The following SLX4 variants were observed in gnomAD, a reference collection of about 807,000 sequenced individuals.
The protein encoded by SLX4 is SLX4 structure-specific endonuclease subunit.
SLX4 carries 112 observed loss-of-function variants against 146.2 expected under a neutral mutation model. The observed-to-expected ratio is 0.77, with a 90% CI of 0.66 to 0.90. SLX4 has a LOEUF of 0.90. Ranked by LOEUF, SLX4 falls within the 40% of genes least tolerant of loss-of-function variation. SLX4 has a pLI of 0.00. For missense variants in SLX4, 2,563 were observed against 2,392.7 expected (o/e 1.07, Z -1.49); for synonymous variants, 1,061 against 997.7 (o/e 1.06, Z -1.20).
In SLX4 at chr16:3,590,007, C is replaced by T. The variant is rs202032197; in HGVS notation, c.3631G>A (p.Glu1211Lys). Residue 1211 changes from glutamate (E) to lysine (K), a missense_variant, in exon 12 of 15, where the codon GAA becomes AAA. Coordinates refer to ENST00000294008, the MANE Select transcript of SLX4 (RefSeq NM_032444.4). This position sits in a 1 kb window ranked among gnomAD's most constrained non-coding sequence, Gnocchi z 4.8. The stretch of plus-strand genomic sequence containing the variant: ...TCATCCTCCTGCTGCAGCACAGCTT[C>T]GCTTCTTGGTGGGCTCTGGGAAGGT... Reference protein sequence around the residue: ...QEPSQSPPRSEAVLQQEDEGA... With the variant: ...QEPSQSPPRSKAVLQQEDEGA... 42 of 1,614,100 alleles carry T rather than the reference C, an allele frequency of 2.6e-5. No homozygotes were observed. The highest frequency in any genetic ancestry group is 3.3e-5 in the Non-Finnish European group (39 of 1,180,036).
chr16:3,591,174 T>C lies in SLX4; in HGVS notation c.2464A>G (p.Met822Val), dbSNP rs779985555. ...AENFQELLRSMWADEEEEAET... is the reference protein window; with the variant it reads ...AENFQELLRSVWADEEEEAET... ...GCTTCCTCCTCTTCATCTGCCCACA[T>C]TGACCTCAAGAGTTCCTGGAAATTC... The change falls in exon 12 of 15, where the codon ATG becomes GTG. Residue 822 changes from methionine (M) to valine (V), a missense_variant. Met to Val is a conservative substitution (Grantham distance 21). Transcript: ENST00000294008. The C allele has an allele frequency of 3.1e-6, 5 of 1,614,214 alleles. No homozygotes were observed. Among genetic ancestry groups the C allele is most frequent in the Admixed American group, 3.3e-5 (2 of 60,030 alleles).
chr16:3,585,188 G>A (rs2040493712), intron 12 of SLX4, among the ~76,000 whole-genome samples: 1 of 152,160 alleles, frequency 6.6e-6, no homozygotes, highest in Non-Finnish European at 1.5e-5. Context: ...CTGACCCACA[G>A]TGACAACTTG....
rs757727147 is a variant in SLX4, at chr16:3,582,418, G to C, written c.5429C>G (p.Thr1810Ser). 6.2e-7 allele frequency: 1 copy of C among 1,613,792 alleles called. No individual in the cohort carries two copies. Among genetic ancestry groups the C allele is most frequent in the African/African-American group, 1.3e-5 (1 of 74,958 alleles). The change falls in exon 15 of 15, where the codon ACT becomes AGT. Residue 1810 changes from threonine to serine, a missense_variant. Coordinates refer to ENST00000294008, the MANE Select transcript of SLX4 (RefSeq NM_032444.4). ...FLDTHCITFT[T>S]AATRREKLQG... ...GAGCTTCTCCCTGCGGGTGGCGGCA[G>C]TGGTGAAGGTGATACAGTGGGTGTC...
In SLX4 at chr16:3,608,437, T is replaced by G. The variant is rs778569160; in HGVS notation, c.528A>C (p.Lys176Asn). ...QEPSPNLSREKTRENVPNSDS... is the reference protein window; with the variant it reads ...QEPSPNLSRENTRENVPNSDS... Reference sequence around the variant, plus strand: ...TAAAAGAGTACAAATTACCTCTGGTTTTCTCTCTGGAAAGGTTTGGCGATG... The same window carrying G: ...TAAAAGAGTACAAATTACCTCTGGTGTTCTCTCTGGAAAGGTTTGGCGATG... Residue 176 changes from lysine (K) to asparagine (N), a missense_variant, in exon 2 of 15, where the codon AAA (lysine) becomes AAC (asparagine). Coordinates refer to ENST00000294008, the MANE Select transcript of SLX4 (RefSeq NM_032444.4). The G allele has an allele frequency of 6.2e-7, 1 of 1,614,202 alleles. No homozygotes were observed. The highest frequency in any genetic ancestry group is 1.3e-5 in the African/African-American group (1 of 75,040).
chr16:3,589,809 T>A lies in SLX4; in HGVS notation c.3829A>T (p.Ser1277Cys). Reference protein sequence around the residue: ...RDCSSQTQISSLRSGLAVQAV... With the variant: ...RDCSSQTQISCLRSGLAVQAV... ...TGCACGGCCAGCCCGCTCCTGAGGCTGCTGATTTGGGTCTGGGAAGAACAG... is the reference window on the plus strand; with the variant it reads ...TGCACGGCCAGCCCGCTCCTGAGGCAGCTGATTTGGGTCTGGGAAGAACAG... The change falls in exon 12 of 15, where the codon AGC (serine) becomes TGC (cysteine). Residue 1277 changes from serine to cysteine, a missense_variant. Ser to Cys is a moderately radical substitution (Grantham distance 112, BLOSUM62 -1). Transcript: ENST00000294008. This position sits in a 1 kb window ranked among gnomAD's most constrained non-coding sequence, Gnocchi z 6.2. The A allele has an allele frequency of 6.2e-7, 1 of 1,613,498 alleles. No homozygotes were observed. Among genetic ancestry groups the A allele is most frequent in the Non-Finnish European group, 8.5e-7 (1 of 1,180,024 alleles).
chr16:3,598,990 C>G (rs1207893004), intron 5 of SLX4, among the ~76,000 whole-genome samples: 1 of 152,210 alleles, frequency 6.6e-6, no homozygotes, highest in Non-Finnish European at 1.5e-5. Flanking sequence ...ATGAGGGCAT[C>G]CAGCTCCTGT....
At position 3,582,197 on chromosome 16, in the gene SLX4, T is replaced by A. The variant is rs560416810; in HGVS notation, c.*145A>T. ...GAAGCCCTGGATTGGGCTGTGGTCA[T>A]CATCACAGCGCAGAGCTGATGTGGT... On this transcript the variant is annotated 3_prime_UTR_variant, in exon 15 of 15. Transcript: ENST00000294008. 3.0e-6 allele frequency: 2 copies of A among 674,826 alleles called. No individual in the cohort carries two copies. Among genetic ancestry groups the A allele is most frequent in the South Asian group, 3.7e-5 (2 of 54,670 alleles). The allele number at this position is 674,826 out of a possible 1,614,324, so 41.8% of individuals were successfully genotyped here.
At chr16:3,598,152 T>C (rs2040687583) in intron 5 of SLX4, among the ~76,000 whole-genome samples, 153 bp from the exon 6 acceptor site, 1 of 152,182 alleles carries the variant, frequency 6.6e-6, no homozygotes, top group East Asian at 1.9e-4. Context: ...CTGCCTTGTG[T>C]GAACTCATTC....
Position 3,582,109 on chromosome 16 carries a change from AGTCT to A in SLX4, c.*229_*232del. ...GAGCACGGACAGAGGAAGGGGCTGG[AGTCT>A]GTAAATCCAGTGGGTGACATGCTCC... is the stretch of plus-strand genomic sequence containing the variant. On this transcript the variant is annotated 3_prime_UTR_variant, in exon 15 of 15. Coordinates refer to ENST00000294008, the MANE Select transcript of SLX4 (RefSeq NM_032444.4). The A allele has an allele frequency of 1.7e-6, 1 of 593,538 alleles. No homozygotes were observed. The highest frequency in any genetic ancestry group is 1.9e-5 in the African/African-American group (1 of 53,884). 36.8% of individuals were successfully genotyped at this position (593,538 alleles called of 1,614,324 possible).
chr16:3,602,719 G>A (rs1170228169), intron 3 of SLX4, among the ~76,000 whole-genome samples: 1 of 152,132 alleles, frequency 6.6e-6, no homozygotes, highest in Non-Finnish European at 1.5e-5. Context: ...AGTTCACAAG[G>A]CTCATATTCC....
intron 9 of SLX4, among the ~76,000 whole-genome samples, chr16:3,595,381 G>C (rs1178912506): frequency 1.3e-5 from 2 of 152,234 alleles, no homozygotes; most frequent in East Asian, 3.8e-4. Context: ...AGACAGAAAA[G>C]GCAGAAGTCT....
In SLX4 at chr16:3,597,601, C is replaced by T. The variant is rs982087433; in HGVS notation, c.1461G>A (p.Val487=). 6.2e-7 allele frequency: 1 copy of T among 1,614,116 alleles called. No homozygotes were observed. The highest frequency in any genetic ancestry group is 8.5e-7 in the Non-Finnish European group (1 of 1,180,020). ...CCACTTCCTCAGAGAGGAGCAGGGC[C>T]ACACGGTCCTCTATCTGTCGGCCTG... ...ETTGRQIEDR[V]ALLLSEEVEL... Residue 487 remains valine, a synonymous_variant, in exon 7 of 15, where the codon GTG becomes GTA. Transcript: ENST00000294008. This position sits in a 1 kb window ranked among gnomAD's most constrained non-coding sequence, Gnocchi z 4.4.
At position 3,581,338 on chromosome 16, in the gene SLX4, T is replaced by C. The variant is rs75773027; in HGVS notation, c.*1004A>G. On this transcript the variant is annotated 3_prime_UTR_variant, in exon 15 of 15. Transcript: ENST00000294008. ...CTGCTCCTGAGGCTGGAGGCAGCTT[T>C]AACCCAAAGAATGGAATCCGCTAGT... is the stretch of plus-strand genomic sequence containing the variant. The C allele has an allele frequency of 0.05, 7,644 of 152,862 alleles. 248 individuals carry two copies. The highest frequency in any genetic ancestry group is 0.068 in the Admixed American group (1,043 of 15,312). 9.5% of individuals were successfully genotyped at this position (152,862 alleles called of 1,614,324 possible).
rs1420317870 is a variant in SLX4 at position 3,589,840 on chromosome 16, G to A, written c.3798C>T (p.Ser1266=). Residue 1266 remains serine (S), a synonymous_variant, in exon 12 of 15, where the codon AGC becomes AGT. Transcript: ENST00000294008. This position sits in a 1 kb window ranked among gnomAD's most constrained non-coding sequence, Gnocchi z 6.2. ...TTTGGGTCTGGGAAGAACAGTCACG[G>A]CTTCTGCTGGCCAGCGGGGTGGCGG... The part of the protein sequence containing the change: ...LVPATPLASR[S]RDCSSQTQIS... 1.9e-6 allele frequency: 3 copies of A among 1,613,346 alleles called. No homozygotes were observed. Among genetic ancestry groups the A allele is most frequent in the African/African-American group, 2.7e-5 (2 of 74,934 alleles).
intron 3 of SLX4, among the ~76,000 whole-genome samples, chr16:3,603,837 C>T (rs2040754816): frequency 6.6e-6 from 1 of 152,188 alleles, no homozygotes; most frequent in South Asian, 2.1e-4. Flanking sequence ...CAGAGTGGGG[C>T]AACCCAATGG....
At position 3,595,605 on chromosome 16, in the gene SLX4, C is replaced by T. The variant is rs1567172859; in HGVS notation, c.2013G>A (p.Leu671=). The T allele has an allele frequency of 1.2e-6, 2 of 1,613,820 alleles. No individual in the cohort carries two copies. Among genetic ancestry groups the T allele is most frequent in the South Asian group, 1.1e-5 (1 of 91,082 alleles). Residue 671 remains leucine, a splice_region_variant and synonymous_variant, in exon 9 of 15, where the codon TTG becomes TTA. Coordinates refer to ENST00000294008, the MANE Select transcript of SLX4 (RefSeq NM_032444.4). The part of the protein sequence containing the change: ...DKHPDRGGRT[L]LSLGLLVADF... ...AGCGCGGGCCAGAGCCAGTTCTTAC[C>T]AAGGTGCGGCCGCCCCTGTCCGGGT...
Position 3,598,126 on chromosome 16 carries a change from G to A in SLX4, c.1164-127C>T, listed in dbSNP as rs2040687273. On this transcript the variant is annotated intron_variant, in intron 5 of 14. Coordinates refer to ENST00000294008, the MANE Select transcript of SLX4 (RefSeq NM_032444.4). ...ACGGATGTGGACCTGCCAGGCAGATGCGTCCCCCACTTCCACTGCCTTGTG... is the reference window on the plus strand; with the variant it reads ...ACGGATGTGGACCTGCCAGGCAGATACGTCCCCCACTTCCACTGCCTTGTG... 6 of 1,045,502 alleles carry A rather than the reference G, an allele frequency of 5.7e-6. No individual in the cohort carries two copies. In the East Asian group the frequency reaches 1.5e-4, roughly 26 times the overall value. 64.8% of individuals were successfully genotyped at this position (1,045,502 alleles called of 1,614,324 possible).
At chr16:3,592,633 C>G in intron 11 of SLX4, 66 bp downstream of exon 11, 3 of 1,552,650 alleles carry the variant, frequency 1.9e-6, no homozygotes, top group Non-Finnish European at 2.6e-6. Flanking sequence ...TGCAGCACAA[C>G]CCTCCAGAGC....
intron 11 of SLX4, among the ~76,000 whole-genome samples, chr16:3,592,143 G>A (rs1343999962): frequency 6.6e-6 from 1 of 152,270 alleles, no homozygotes; most frequent in Non-Finnish European, 1.5e-5. Flanking sequence ...CAGAGGCTGA[G>A]CTGTTCCTTT....
Sources: gnomAD v4.1 joint callset for allele counts (sites outside exome capture counted in the v4.1 genomes callset) on GRCh38, gnomAD v4.1.1 for gene constraint, Gnocchi (gnomAD v3.1) non-coding constraint, MANE v1.5 for transcripts, NCBI Gene and HGNC (gene_info 2026-07-23, HGNC 2026-07-21) for gene names.